SLC8A1: variants seen among roughly 807,000 people sequenced by gnomAD.
The protein encoded by SLC8A1 is sodium/calcium exchanger 1.
SLC8A1 carries 18 observed loss-of-function variants against 68.3 expected under a neutral mutation model. That is an observed-to-expected ratio of 0.26 (90% confidence interval 0.18 to 0.39). The LOEUF is 0.39. SLC8A1 is among the 10% of genes least tolerant of loss of function. The pLI, the probability that SLC8A1 is intolerant of heterozygous loss-of-function variation, is 1.00. For synonymous variants in SLC8A1, 475 were observed against 415.5 expected, an observed-to-expected ratio of 1.14 and a Z score of -1.74; for missense variants, 985 against 1,156.7, an observed-to-expected ratio of 0.85 and a Z score of 2.15.
At chr2:40,507,053 A>G (rs572894276) in intron 1 of SLC8A1, among the ~76,000 whole-genome samples, 2 of 152,138 alleles carry the variant, frequency 1.3e-5, no homozygotes, top group South Asian at 4.1e-4. Context: ...GAATTTCCAA[A>G]GGTCATATGC....
chr2:40,415,859 T>TACACACACACACACAC (rs70957173), intron 2 of SLC8A1, among the ~76,000 whole-genome samples: 4 of 113,588 alleles, frequency 3.5e-5, no homozygotes, highest in South Asian at 6.7e-4. Flanking sequence ...ACTAAAAGTA[T>TACACACACACACACAC]ACACACACAC....
At chr2:40,427,229 T>C (rs1048439709) in intron 2 of SLC8A1, among the ~76,000 whole-genome samples, 4 of 152,080 alleles carry the variant, frequency 2.6e-5, no homozygotes, top group African/African-American at 9.7e-5. Flanking sequence ...TGGAAGGCTC[T>C]CTCAGGAAAA....
chr2:40,431,289 CAT>C (rs1346349423), intron 1 of SLC8A1, among the ~76,000 whole-genome samples: 1 of 152,042 alleles, frequency 6.6e-6, no homozygotes, highest in African/African-American at 2.4e-5. Context: ...TTCTAAAATA[CAT>C]ATTAGTTCTG....
rs1444353290 is a variant in SLC8A1, at chr2:40,301,256, GATGTT to G, written c.1809-123406_1809-123402del. Among the ~76,000 whole-genome samples the G allele has an allele frequency of 2.0e-5, 3 of 152,126 alleles. No homozygotes were observed. The East Asian group carries it at 5.8e-4, about 29-fold the overall frequency. Reference sequence around the variant, plus strand: ...AGATTTAAAACAACACTATAAACTGGATGTTATAAGTCCCATCTTAGACATAAAGA... The same window carrying G: ...AGATTTAAAACAACACTATAAACTGGATAAGTCCCATCTTAGACATAAAGA... On this transcript the variant is annotated intron_variant, in intron 2 of 7. Coordinates refer to ENST00000406785, the Ensembl canonical transcript of SLC8A1.
At chr2:40,100,231 T>C (rs1050325259) in exon 8 of SLC8A1, 6 of 152,292 alleles carry the variant, frequency 3.9e-5, no homozygotes, top group African/African-American at 9.6e-5. Flanking sequence ...TGACAATATG[T>C]AACTTTTTTT....
chr2:40,357,103 G>C (rs1211046192), intron 2 of SLC8A1, among the ~76,000 whole-genome samples: 1 of 152,188 alleles, frequency 6.6e-6, no homozygotes, highest in Non-Finnish European at 1.5e-5. Context: ...ACATGAAAGA[G>C]AGTTCCAGCT....
chr2:40,174,924 A>T (rs6760003), intron 3 of SLC8A1, 82 bp from the exon 5 acceptor site: 150,775 of 1,352,760 alleles, frequency 0.11, 9,364 homozygotes, highest in African/African-American at 0.13. Context: ...CTGCCTGACA[A>T]CCCACCCAAG....
chr2:40,261,552 C>T (rs953399050), intron 2 of SLC8A1, among the ~76,000 whole-genome samples: 3 of 152,134 alleles, frequency 2.0e-5, no homozygotes, highest in Admixed American at 6.5e-5. Context: ...TTCCTTCTTT[C>T]AGAGATTTAG....
intron 2 of SLC8A1, among the ~76,000 whole-genome samples, chr2:40,196,757 G>A (rs1336038043): frequency 5.9e-5 from 9 of 151,974 alleles, no homozygotes; most frequent in African/African-American, 9.6e-5. Flanking sequence ...CATTTAAACC[G>A]CTCATGAAAT....
chr2:40,495,679 T>G (rs1705650206), intron 1 of SLC8A1, among the ~76,000 whole-genome samples: 1 of 152,030 alleles, frequency 6.6e-6, no homozygotes, highest in African/African-American at 2.4e-5. Flanking sequence ...CCAGTGGTTA[T>G]AAAGCCCAGT....
Position 40,302,031 on chromosome 2 carries a change from CTGTGTGTGTGTG to C in SLC8A1, c.1809-124188_1809-124177del, listed in dbSNP as rs374407377. Among the ~76,000 whole-genome samples the C allele has an allele frequency of 2.0e-3, 267 of 132,320 alleles. 2 individuals are homozygous for C. The highest frequency in any genetic ancestry group is 7.0e-3 in the African/African-American group (246 of 34,972). 86.8% of individuals were successfully genotyped at this position (132,320 alleles called of 152,430 possible). ...GCACCTGCCACCACACCGGGCTAAT[CTGTGTGTGTGTG>C]TGTGTGTGTGTGTGTGTGTGTGTGT... is the stretch of plus-strand genomic sequence containing the variant. On this transcript the variant is annotated intron_variant, in intron 2 of 7. Coordinates refer to ENST00000406785, the Ensembl canonical transcript of SLC8A1.
intron 2 of SLC8A1, among the ~76,000 whole-genome samples, chr2:40,357,436 G>A (rs1471629855): frequency 6.7e-6 from 1 of 149,870 alleles, no homozygotes; most frequent in African/African-American, 2.5e-5. Flanking sequence ...GGTCAAGGCT[G>A]CAGTGTGCTA....
chr2:40,328,720 T>G (rs966202287), intron 2 of SLC8A1, among the ~76,000 whole-genome samples: 2 of 152,198 alleles, frequency 1.3e-5, no homozygotes, highest in Admixed American at 1.3e-4. Context: ...TTCATCTTCA[T>G]AGCTCACACT....
chr2:40,498,556 A>G (rs192092572), intron 1 of SLC8A1, among the ~76,000 whole-genome samples: 1,728 of 152,216 alleles, frequency 0.011, 21 homozygotes, highest in Non-Finnish European at 0.017. Context: ...GATTTTTAAC[A>G]TAACTACATA....
intron 2 of SLC8A1, among the ~76,000 whole-genome samples, chr2:40,212,151 G>C (rs150067451): frequency 1.1e-3 from 171 of 152,088 alleles, no homozygotes; most frequent in African/African-American, 3.8e-3. Flanking sequence ...TTTCAATATG[G>C]CCCAGAGAGA....
intron 7 of SLC8A1, among the ~76,000 whole-genome samples, chr2:40,126,722 C>T (rs1056261205): frequency 3.3e-5 from 5 of 152,138 alleles, no homozygotes; most frequent in African/African-American, 9.7e-5. Flanking sequence ...CCCTCCCCCA[C>T]ATAAACACTC....
intron 2 of SLC8A1, among the ~76,000 whole-genome samples, chr2:40,290,401 C>G (rs1411987019): frequency 2.6e-5 from 4 of 152,088 alleles, no homozygotes; most frequent in African/African-American, 7.2e-5. Flanking sequence ...ACTTCATTTT[C>G]TTTGCACAAC....
At chr2:40,302,554 T>C (rs1431694550) in intron 2 of SLC8A1, among the ~76,000 whole-genome samples, 2 of 148,854 alleles carry the variant, frequency 1.3e-5, no homozygotes, top group African/African-American at 2.5e-5. Context: ...CATATATATG[T>C]ATATATATCT....
At chr2:40,393,038 G>A (rs1010765661) in intron 2 of SLC8A1, among the ~76,000 whole-genome samples, 1 of 152,010 alleles carries the variant, frequency 6.6e-6, no homozygotes, top group Non-Finnish European at 1.5e-5. Context: ...GATACTGACT[G>A]AATTTTATCA....
Sources: allele counts gnomAD v4.1 joint callset (sites outside exome capture counted in the v4.1 genomes callset), GRCh38; gene constraint gnomAD v4.1.1; transcripts MANE v1.5; gene names NCBI Gene and HGNC (gene_info 2026-07-23, HGNC 2026-07-21).